The following NFATC3 variants were observed in gnomAD, a reference collection of about 807,000 sequenced individuals.
The protein encoded by NFATC3 is nuclear factor of activated T-cells, cytoplasmic 3.
In NFATC3, 46 loss-of-function variants were observed where a neutral mutation model predicts 98.6. The ratio of observed to expected loss-of-function variants is 0.47; its 90% CI spans 0.37 to 0.60. The LOEUF is 0.60. Among genes scored for constraint, NFATC3 ranks in the 20% least tolerant of loss-of-function variants. NFATC3 has a pLI of 0.00. For synonymous variants in NFATC3, 512 were observed against 472.2 expected, an observed-to-expected ratio of 1.08 and a Z score of -1.09; for missense variants, 1,256 against 1,295.5, an observed-to-expected ratio of 0.97 and a Z score of 0.47.
chr16:68,152,665 G>A (rs1373070542), intron 3 of NFATC3, among the ~76,000 whole-genome samples: 1 of 152,170 alleles, frequency 6.6e-6, no homozygotes, highest in Non-Finnish European at 1.5e-5. Context: ...ACAGGTGCAT[G>A]CCTTCACGTC....
chr16:68,165,546 G>A (rs1036290626), intron 4 of NFATC3, among the ~76,000 whole-genome samples: 5 of 151,816 alleles, frequency 3.3e-5, no homozygotes, highest in African/African-American at 9.7e-5. Context: ...ACAGGCACAC[G>A]CCACCATGCC....
intron 3 of NFATC3, among the ~76,000 whole-genome samples, chr16:68,152,125 G>A (rs1401514375): frequency 5.3e-5 from 8 of 150,832 alleles, no homozygotes; most frequent in Admixed American, 5.3e-4. Context: ...CACTTTGAGA[G>A]GCCAAGGTGG....
At chr16:68,210,341 A>AG (rs1266736116) in intron 9 of NFATC3, among the ~76,000 whole-genome samples, 17 of 151,448 alleles carry the variant, frequency 1.1e-4, no homozygotes, top group African/African-American at 4.1e-4. Flanking sequence ...AAAATTAGCC[A>AG]GGTGCTGTGG....
intron 1 of NFATC3, among the ~76,000 whole-genome samples, chr16:68,119,006 C>T (rs2036437249): frequency 1.3e-5 from 2 of 152,032 alleles, no homozygotes; most frequent in Non-Finnish European, 1.5e-5. Context: ...CAGCTGGGAC[C>T]ACAGGCGCCT....
chr16:68,191,808 T>G, intron 9 of NFATC3, 33 bp downstream of exon 9: 1 of 1,608,722 alleles, frequency 6.2e-7, no homozygotes, highest in Admixed American at 1.7e-5. Context: ...CTTGAAGTAG[T>G]GAAGATTCAG....
At chr16:68,135,476 AAAAAAAAG>A (rs2037351273) in intron 3 of NFATC3, among the ~76,000 whole-genome samples, 2 of 150,722 alleles carry the variant, frequency 1.3e-5, no homozygotes, top group Admixed American at 1.3e-4. Flanking sequence ...AAAAAAAAAA[AAAAAAAAG>A]AAACTGAATT....
At chr16:68,182,368 G>A (rs985226981) in intron 7 of NFATC3, among the ~76,000 whole-genome samples, 1 of 152,172 alleles carries the variant, frequency 6.6e-6, no homozygotes, top group South Asian at 2.1e-4. Context: ...ACTTCCCACA[G>A]TGCTTTCCAA....
intron 3 of NFATC3, among the ~76,000 whole-genome samples, chr16:68,129,970 G>A (rs2037035648): frequency 6.6e-6 from 1 of 151,986 alleles, no homozygotes; most frequent in Non-Finnish European, 1.5e-5. Context: ...GAGCTGCCAG[G>A]CCTGGCTGAT....
At chr16:68,104,973 T>G (rs1400861788) in intron 1 of NFATC3, among the ~76,000 whole-genome samples, 1 of 152,008 alleles carries the variant, frequency 6.6e-6, no homozygotes, top group Non-Finnish European at 1.5e-5. Flanking sequence ...CTCTTGATCA[T>G]GTTAAGGAAG....
intron 1 of NFATC3, among the ~76,000 whole-genome samples, chr16:68,101,658 T>C: frequency 6.6e-6 from 1 of 151,926 alleles, no homozygotes; most frequent in Non-Finnish European, 1.5e-5. Flanking sequence ...TAATTTTTTG[T>C]ATTTTTGATA....
At chr16:68,189,145 G>T (rs2040335222) in intron 8 of NFATC3, 1 of 152,092 alleles carries the variant, frequency 6.6e-6, no homozygotes, top group Non-Finnish European at 1.5e-5. Flanking sequence ...TTTTATTTCT[G>T]GACTCTATTC....
intron 9 of NFATC3, among the ~76,000 whole-genome samples, chr16:68,217,077 T>C (rs1192471160): frequency 6.6e-6 from 1 of 152,048 alleles, no homozygotes; most frequent in Admixed American, 6.6e-5. Context: ...AGGGTGAAAT[T>C]TGAGATAACT....
At chr16:68,224,764 A>G (rs1161502879) in intron 9 of NFATC3, 1 of 150,038 alleles carries the variant, frequency 6.7e-6, no homozygotes. Flanking sequence ...TAAACCAGAA[A>G]AAGATTAGAT....
chr16:68,167,709 G>A (rs572704502), intron 5 of NFATC3, among the ~76,000 whole-genome samples: 1 of 149,954 alleles, frequency 6.7e-6, no homozygotes, highest in African/African-American at 2.4e-5. Context: ...ACTCATTCAA[G>A]GTTATTTGCT....
chr16:68,193,367 C>G lies in NFATC3; in HGVS notation c.3106+1592C>G, dbSNP rs80050149. On this transcript the variant is annotated intron_variant, in intron 9 of 9. Coordinates refer to ENST00000346183, the MANE Select transcript of NFATC3 (RefSeq NM_173165.3). ...AACCAAATCATGCATGCTCAAGTTT[C>G]ACAGTCACCCTGTGGAACCCACATG... is the stretch of plus-strand genomic sequence containing the variant. Among the ~76,000 whole-genome samples, 1,052 of 152,232 alleles carry G rather than the reference C, an allele frequency of 6.9e-3. 17 individuals carry two copies. The highest frequency in any genetic ancestry group is 0.024 in the African/African-American group (979 of 41,522).
intron 5 of NFATC3, among the ~76,000 whole-genome samples, chr16:68,169,595 GTGTT>G (rs2039365045): frequency 6.6e-6 from 1 of 152,040 alleles, no homozygotes; most frequent in South Asian, 2.1e-4. Context: ...AGTAGTTTGA[GTGTT>G]TGAGATGAAG....
Position 68,166,395 on chromosome 16 carries a change from C to A in NFATC3, c.1602-448C>A, listed in dbSNP as rs536149330. Among the ~76,000 whole-genome samples, 555 of 152,274 alleles carry A rather than the reference C, an allele frequency of 3.6e-3. 6 individuals carry two copies. Among genetic ancestry groups the A allele is most frequent in the African/African-American group, 0.013 (543 of 41,538 alleles). ...GTGGTTAGGGATTGTCTGGGCCTTT[C>A]TCTGCACCATGCTAGTTGGACTTCT... is the stretch of plus-strand genomic sequence containing the variant. On this transcript the variant is annotated intron_variant, in intron 4 of 9. Coordinates refer to ENST00000346183, the MANE Select transcript of NFATC3 (RefSeq NM_173165.3).
chr16:68,170,040 C>T (rs991570339), intron 5 of NFATC3, among the ~76,000 whole-genome samples: 3 of 151,720 alleles, frequency 2.0e-5, no homozygotes, highest in African/African-American at 4.8e-5. Context: ...AGTGAGACTC[C>T]ATCTCAAAAA....
At chr16:68,195,674 G>GGTGGTC (rs1345737099) in intron 9 of NFATC3, among the ~76,000 whole-genome samples, 2 of 146,136 alleles carry the variant, frequency 1.4e-5, no homozygotes, top group East Asian at 4.0e-4. Context: ...CGGGCGTGGT[G>GGTGGTC]GTGGTCGCCT....
Sources: gnomAD v4.1 joint callset for allele counts (sites outside exome capture counted in the v4.1 genomes callset) on GRCh38, gnomAD v4.1.1 for gene constraint, MANE v1.5 for transcripts, NCBI Gene and HGNC (gene_info 2026-07-23, HGNC 2026-07-21) for gene names.